The following NCAM2 variants were observed in gnomAD, a reference collection of about 807,000 sequenced individuals.
NCAM2 encodes neural cell adhesion molecule 2.
In NCAM2, 30 loss-of-function variants were observed where a neutral mutation model predicts 98.1. That is an observed-to-expected ratio of 0.31 (90% CI 0.23 to 0.41). The LOEUF is 0.41. Ranked by LOEUF, NCAM2 falls within the 10% of genes least tolerant of loss-of-function variation. NCAM2 has a pLI of 1.00. For synonymous variants in NCAM2, 368 were observed against 342.4 expected (o/e 1.07, Z -0.83); for missense variants, 867 against 1,005.8 (o/e 0.86, Z 1.87).
chr21:21,001,286 T>C (rs2064015344), intron 1 of NCAM2, among the ~76,000 whole-genome samples: 1 of 152,216 alleles, frequency 6.6e-6, no homozygotes, highest in African/African-American at 2.4e-5. Context: ...TGTTGTACAG[T>C]AGTAAGACGC....
At chr21:21,298,632 T>TA (rs570204856) in intron 5 of NCAM2, among the ~76,000 whole-genome samples, 12 of 135,124 alleles carry the variant, frequency 8.9e-5, no homozygotes, top group Admixed American at 3.8e-4. Flanking sequence ...GATAGATAGA[T>TA]GATAGATAGA....
intron 1 of NCAM2, among the ~76,000 whole-genome samples, chr21:21,128,626 C>T (rs1296775869): frequency 6.6e-6 from 1 of 151,994 alleles, no homozygotes; most frequent in Non-Finnish European, 1.5e-5. Context: ...TATTGATCTT[C>T]TGTGTAAGTC....
chr21:21,361,100 T>C (rs1456264966), intron 8 of NCAM2, among the ~76,000 whole-genome samples: 1 of 152,096 alleles, frequency 6.6e-6, no homozygotes, highest in African/African-American at 2.4e-5. Flanking sequence ...GAATGAAATA[T>C]CTGAGTTTTC....
intron 1 of NCAM2, among the ~76,000 whole-genome samples, chr21:21,182,044 A>C (rs1014207879): frequency 3.3e-5 from 5 of 151,182 alleles, no homozygotes; most frequent in Admixed American, 6.6e-5. Flanking sequence ...AAAAAAAAAA[A>C]CAAATAAAAA....
intron 16 of NCAM2, among the ~76,000 whole-genome samples, chr21:21,512,864 T>G (rs966408716): frequency 1.3e-5 from 2 of 152,082 alleles, no homozygotes; most frequent in Admixed American, 1.3e-4. Flanking sequence ...GGGATTACTT[T>G]ATTGGTTTCT....
intron 1 of NCAM2, among the ~76,000 whole-genome samples, chr21:21,228,295 C>G (rs957688008): frequency 6.6e-6 from 1 of 151,214 alleles, no homozygotes; most frequent in Non-Finnish European, 1.5e-5. Context: ...AATAGAAAGT[C>G]ATACAATTTA....
chr21:21,235,657 A>G (rs2070790253), intron 1 of NCAM2, among the ~76,000 whole-genome samples: 1 of 152,106 alleles, frequency 6.6e-6, no homozygotes, highest in Non-Finnish European at 1.5e-5. Flanking sequence ...GAACAGAATT[A>G]CTTGACTCAT....
At chr21:21,406,636 C>T (rs1432442729) in intron 9 of NCAM2, among the ~76,000 whole-genome samples, 1 of 152,122 alleles carries the variant, frequency 6.6e-6, no homozygotes, top group African/African-American at 2.4e-5. Context: ...GACATACTTC[C>T]ATCTTTTCAC....
chr21:21,147,232 C>T (rs2067305905), intron 1 of NCAM2: 1 of 985,380 alleles, frequency 1.0e-6, no homozygotes, highest in Non-Finnish European at 1.2e-6. Flanking sequence ...TTAGTCCGTA[C>T]CCGGCATTTC....
intron 1 of NCAM2, among the ~76,000 whole-genome samples, chr21:21,066,494 G>T (rs966869717): frequency 1.3e-5 from 2 of 151,944 alleles, no homozygotes; most frequent in African/African-American, 4.8e-5. Context: ...TTCTGCTATT[G>T]TTATTGGCAT....
intron 8 of NCAM2, among the ~76,000 whole-genome samples, chr21:21,352,177 C>T (rs1453256514): frequency 3.3e-5 from 5 of 152,176 alleles, no homozygotes; most frequent in African/African-American, 1.2e-4. Context: ...AGCATCCTCC[C>T]ACCTCAGCCT....
chr21:21,280,603 T>G lies in NCAM2; in HGVS notation c.81T>G (p.Leu27=). ...CTCTTCTTCAAGTGACAATTTCACT[T>G]AGCAAAGTAGAGCTTAGTGTTGGAG... ...GQALLQVTIS[L]SKVELSVGES... is the part of the protein sequence containing the mutation. The change falls in exon 2 of 18, where the codon CTT becomes CTG. Residue 27 remains leucine (L), a synonymous_variant. Coordinates refer to ENST00000400546, the MANE Select transcript of NCAM2 (RefSeq NM_004540.5). The G allele has an allele frequency of 1.2e-6, 2 of 1,600,516 alleles. No individual in the cohort carries two copies. The highest frequency in any genetic ancestry group is 1.7e-6 in the Non-Finnish European group (2 of 1,174,864).
chr21:21,210,967 A>AAC (rs71195310), intron 1 of NCAM2, among the ~76,000 whole-genome samples: 3,973 of 127,134 alleles, frequency 0.031, 101 homozygotes, highest in East Asian at 0.093. Context: ...ACTCTCCCCA[A>AAC]ACACACACAC....
At chr21:21,338,158 A>G (rs1040424151) in intron 7 of NCAM2, among the ~76,000 whole-genome samples, 3 of 152,098 alleles carry the variant, frequency 2.0e-5, no homozygotes, top group African/African-American at 7.2e-5. Flanking sequence ...TTTCTAAGTC[A>G]CCTCAAGTTA....
At chr21:21,208,300 T>C (rs1399947143) in intron 1 of NCAM2, among the ~76,000 whole-genome samples, 3 of 152,264 alleles carry the variant, frequency 2.0e-5, no homozygotes, top group Non-Finnish European at 2.9e-5. Flanking sequence ...ATAGAACATA[T>C]TAAAAGTATG....
chr21:21,011,976 A>T (rs1456554189), intron 1 of NCAM2, among the ~76,000 whole-genome samples: 1 of 152,158 alleles, frequency 6.6e-6, no homozygotes, highest in African/African-American at 2.4e-5. Context: ...AAAAAGACAA[A>T]ATCTAATGTT....
rs966846007 is a variant in NCAM2, at chr21:21,076,488, T to C, written c.55+77870T>C. 2.0e-5 allele frequency among the ~76,000 whole-genome samples: 3 copies of C among 152,190 alleles called. No individual in the cohort carries two copies. In the East Asian group the frequency reaches 5.8e-4, roughly 29 times the overall value. On this transcript the variant is annotated intron_variant, in intron 1 of 17. Transcript: ENST00000400546. ...TAGTTTTCCCTTTTAAAGATCTTTA[T>C]AGTTCTGTCAGTTAGGTTTGAAACA...
chr21:21,207,110 A>G (rs572439835), intron 1 of NCAM2, among the ~76,000 whole-genome samples: 1 of 152,174 alleles, frequency 6.6e-6, no homozygotes, highest in Non-Finnish European at 1.5e-5. Context: ...TTAACATAAA[A>G]TGGAGATGTA....
intron 16 of NCAM2, among the ~76,000 whole-genome samples, chr21:21,513,771 T>C (rs1988538271): frequency 6.6e-6 from 1 of 152,172 alleles, no homozygotes; most frequent in Non-Finnish European, 1.5e-5. Context: ...CTGGATGTCT[T>C]GTCCAATGCT....
Sources: gnomAD v4.1 joint callset for allele counts (sites outside exome capture counted in the v4.1 genomes callset) on GRCh38, gnomAD v4.1.1 for gene constraint, MANE v1.5 for transcripts, NCBI Gene and HGNC (gene_info 2026-07-23, HGNC 2026-07-21) for gene names.